Variants in BAALC observed in about 807,000 individuals in gnomAD.
BAALC encodes brain and acute leukemia cytoplasmic protein.
In BAALC, 9 loss-of-function variants were observed where a neutral mutation model predicts 15.5. The observed-to-expected ratio is 0.58, with a 90% CI of 0.35 to 1.02. BAALC has a LOEUF of 1.02. Among genes scored for constraint, BAALC ranks in the 50% least tolerant of loss-of-function variants. The pLI is 0.02. For missense variants in BAALC, 201 were observed against 192.4 expected, an observed-to-expected ratio of 1.04 and a Z score of -0.27; for synonymous variants, 80 against 74.6, an observed-to-expected ratio of 1.07 and a Z score of -0.37.
chr8:103,169,019 G>A (rs534555008), intron 1 of BAALC, among the ~76,000 whole-genome samples: 21 of 151,966 alleles, frequency 1.4e-4, no homozygotes, highest in Admixed American at 4.6e-4. Flanking sequence ...AGATTTGTCC[G>A]TTCCTCCTGC....
intron 1 of BAALC, among the ~76,000 whole-genome samples, chr8:103,170,195 A>G (rs1811447323): frequency 6.6e-6 from 1 of 150,620 alleles, no homozygotes. Flanking sequence ...TGCATTTGCA[A>G]TGACAAAATT....
chr8:103,182,891 G>C (rs1412844694), intron 1 of BAALC, among the ~76,000 whole-genome samples: 1 of 152,178 alleles, frequency 6.6e-6, no homozygotes, highest in Non-Finnish European at 1.5e-5. Flanking sequence ...GGGAGGCCAG[G>C]CTTCCAGGAC....
At chr8:103,206,340 C>T (rs1812329008) in intron 1 of BAALC, among the ~76,000 whole-genome samples, 2 of 152,174 alleles carry the variant, frequency 1.3e-5, no homozygotes, top group Non-Finnish European at 2.9e-5. Context: ...TCCCTGAGCT[C>T]TCCCTGAAGT....
At chr8:103,141,405 G>T in intron 1 of BAALC, 1 of 239,552 alleles carries the variant, frequency 4.2e-6, no homozygotes. Flanking sequence ...GATCCGCCCA[G>T]GGCCGCCTCC....
rs145619783 is a variant in BAALC, at chr8:103,228,677, C to G, written c.*578C>G. On this transcript the variant is annotated 3_prime_UTR_variant, in exon 3 of 3. Coordinates refer to ENST00000309982, the MANE Select transcript of BAALC (RefSeq NM_024812.3). Reference sequence around the variant, plus strand: ...TTCCTTAGCTTGGTATGAGACAGATCGGATCCAGTTTCCCATGCACCAACC... The same window carrying G: ...TTCCTTAGCTTGGTATGAGACAGATGGGATCCAGTTTCCCATGCACCAACC... 6.6e-6 allele frequency: 1 copy of G among 152,350 alleles called. No individual in the cohort carries two copies. The highest frequency in any genetic ancestry group is 2.4e-5 in the African/African-American group (1 of 41,438). 9.4% of individuals were successfully genotyped at this position (152,350 alleles called of 1,614,324 possible).
chr8:103,188,498 G>A (rs906744425), intron 1 of BAALC, among the ~76,000 whole-genome samples: 1 of 152,188 alleles, frequency 6.6e-6, no homozygotes, highest in Non-Finnish European at 1.5e-5. Context: ...ACAGGCTGTG[G>A]TATTAGGTCA....
At chr8:103,218,594 A>C (rs569470158) in intron 2 of BAALC, among the ~76,000 whole-genome samples, 1 of 151,806 alleles carries the variant, frequency 6.6e-6, no homozygotes, top group Non-Finnish European at 1.5e-5. Context: ...TCAAGTATTC[A>C]GCTACAGTAA....
intron 1 of BAALC, among the ~76,000 whole-genome samples, chr8:103,145,743 T>C (rs1015308566): frequency 3.3e-5 from 5 of 152,248 alleles, no homozygotes; most frequent in Admixed American, 2.6e-4. Flanking sequence ...TTCTCTGCTA[T>C]GTACCCAGCA....
At chr8:103,202,055 TTA>T (rs1469034269) in intron 1 of BAALC, among the ~76,000 whole-genome samples, 1 of 152,174 alleles carries the variant, frequency 6.6e-6, no homozygotes, top group Non-Finnish European at 1.5e-5. Flanking sequence ...GTAGATAAGA[TTA>T]TGAGTAATTT....
chr8:103,190,616 G>A (rs1263650505), intron 1 of BAALC, among the ~76,000 whole-genome samples: 1 of 152,148 alleles, frequency 6.6e-6, no homozygotes, highest in Non-Finnish European at 1.5e-5. Context: ...GCAAGTAAAG[G>A]ATTTAGATTA....
intron 1 of BAALC, chr8:103,208,321 C>T (rs1249839543): frequency 6.6e-6 from 1 of 152,198 alleles, no homozygotes; most frequent in Non-Finnish European, 1.5e-5. Context: ...GGTTAAGAAA[C>T]CAAAGTTGTA....
chr8:103,202,950 G>A (rs1051889074), intron 1 of BAALC: 3 of 152,246 alleles, frequency 2.0e-5, no homozygotes, highest in Admixed American at 1.3e-4. Flanking sequence ...CTAGAGAGAA[G>A]GCAAGTGAGA....
At chr8:103,150,943 C>T (rs1025199843) in intron 1 of BAALC, among the ~76,000 whole-genome samples, 1 of 152,152 alleles carries the variant, frequency 6.6e-6, no homozygotes. Flanking sequence ...TGGGCCTCAA[C>T]CTGCTCTCTT....
intron 1 of BAALC, among the ~76,000 whole-genome samples, chr8:103,203,552 A>G (rs929847635): frequency 3.3e-5 from 5 of 152,202 alleles, no homozygotes; most frequent in African/African-American, 1.2e-4. Context: ...CATTGCATCA[A>G]AAAGAAACCC....
intron 1 of BAALC, among the ~76,000 whole-genome samples, chr8:103,143,290 C>T (rs531998727): frequency 2.4e-4 from 37 of 152,242 alleles, no homozygotes; most frequent in Middle Eastern, 3.4e-3. Context: ...CTCACTTCCA[C>T]CTCACCCACC....
chr8:103,148,731 A>G (rs1359460060), intron 1 of BAALC, among the ~76,000 whole-genome samples: 4 of 152,136 alleles, frequency 2.6e-5, no homozygotes, highest in Non-Finnish European at 5.9e-5. Context: ...CCGTTGTTTA[A>G]GCCATGCGGT....
intron 1 of BAALC, among the ~76,000 whole-genome samples, chr8:103,205,777 T>G (rs1051877952): frequency 1.3e-5 from 2 of 152,178 alleles, no homozygotes; most frequent in Non-Finnish European, 2.9e-5. Context: ...ACTGCCTACT[T>G]GGGAGTTTTT....
intron 1 of BAALC, among the ~76,000 whole-genome samples, chr8:103,149,998 G>C (rs765340116): frequency 6.6e-6 from 1 of 152,168 alleles, no homozygotes; most frequent in East Asian, 1.9e-4. Context: ...ACACACCTGA[G>C]ACTGGGTAAT....
chr8:103,146,271 C>A (rs1049029642), intron 1 of BAALC, among the ~76,000 whole-genome samples: 6 of 152,172 alleles, frequency 3.9e-5, no homozygotes, highest in African/African-American at 9.7e-5. Context: ...TCCGAGCCAA[C>A]CCTCCCACCC....
Sources: gnomAD v4.1 joint callset for allele counts (sites outside exome capture counted in the v4.1 genomes callset) on GRCh38, gnomAD v4.1.1 for gene constraint, MANE v1.5 for transcripts, NCBI Gene and HGNC (gene_info 2026-07-23, HGNC 2026-07-21) for gene names.